ATP2B2: variants seen among roughly 807,000 people sequenced by gnomAD.
ATP2B2 encodes the protein plasma membrane calcium-transporting ATPase 2.
ATP2B2 carries 15 observed loss-of-function variants against 120.0 expected under a neutral mutation model. The observed-to-expected ratio is 0.12, with a 90% CI of 0.08 to 0.19. ATP2B2 has a LOEUF of 0.19. ATP2B2 is among the 10% of genes least tolerant of loss of function. The pLI is 1.00. For missense variants in ATP2B2, 1,045 were observed against 1,719.8 expected (o/e 0.61, Z 6.94); for synonymous variants, 694 against 700.3 (o/e 0.99, Z 0.14).
intron 2 of ATP2B2, among the ~76,000 whole-genome samples, chr3:10,605,780 C>T (rs1312183561): frequency 6.6e-6 from 1 of 152,088 alleles, no homozygotes; most frequent in African/African-American, 2.4e-5. Context: ...TCCTGAGTAG[C>T]TGGGACTACA....
chr3:10,519,621 G>A (rs997845288), intron 3 of ATP2B2, among the ~76,000 whole-genome samples: 1 of 152,200 alleles, frequency 6.6e-6, no homozygotes, highest in African/African-American at 2.4e-5. Flanking sequence ...TCTCAAAGGA[G>A]GAAAGCTTCC....
At chr3:10,367,889 A>C (rs1356616062) in intron 12 of ATP2B2, among the ~76,000 whole-genome samples, 1 of 152,230 alleles carries the variant, frequency 6.6e-6, no homozygotes, top group Non-Finnish European at 1.5e-5. Flanking sequence ...TGATATGCTC[A>C]CTTTATAGAC....
At chr3:10,662,527 C>A (rs1243853735) in intron 1 of ATP2B2, among the ~76,000 whole-genome samples, 1 of 140,964 alleles carries the variant, frequency 7.1e-6, no homozygotes, top group Non-Finnish European at 1.5e-5. Flanking sequence ...AAATGCAAAT[C>A]AAAACCACAA....
chr3:10,631,848 C>T (rs535765502), intron 1 of ATP2B2, among the ~76,000 whole-genome samples: 9 of 152,354 alleles, frequency 5.9e-5, no homozygotes, highest in African/African-American at 2.2e-4. Context: ...ACATAGCTTG[C>T]TGCTAATTTC....
intron 1 of ATP2B2, among the ~76,000 whole-genome samples, chr3:10,490,904 G>T (rs932649373): frequency 1.3e-5 from 2 of 152,212 alleles, no homozygotes; most frequent in African/African-American, 4.8e-5. Context: ...TCTGTTATTT[G>T]ATTTGGGGGT....
chr3:10,432,781 C>G (rs146882042), intron 2 of ATP2B2, among the ~76,000 whole-genome samples: 185 of 152,282 alleles, frequency 1.2e-3, no homozygotes, highest in African/African-American at 4.4e-3. Flanking sequence ...CAAAGGGACG[C>G]GGCTTTCTAC....
chr3:10,701,736 G>T (rs116469584), intron 1 of ATP2B2, among the ~76,000 whole-genome samples: 1,538 of 151,828 alleles, frequency 0.01, 26 homozygotes, highest in African/African-American at 0.035. Context: ...GACCCTCTCC[G>T]TATGCCCCTG....
intron 1 of ATP2B2, among the ~76,000 whole-genome samples, chr3:10,702,342 G>A (rs1453205564): frequency 1.3e-5 from 2 of 152,280 alleles, no homozygotes; most frequent in South Asian, 2.1e-4. Context: ...AGTGCTTACC[G>A]CGTGTGCCAG....
At chr3:10,417,110 T>G (rs1575167145) in intron 2 of ATP2B2, among the ~76,000 whole-genome samples, 4 of 125,220 alleles carry the variant, frequency 3.2e-5, no homozygotes, top group African/African-American at 7.7e-5. Flanking sequence ...TCCCAGAAGG[T>G]GGGTGGCCGG....
chr3:10,386,374 T>A (rs904995046), intron 7 of ATP2B2, 106 bp downstream of exon 7: 1 of 1,300,048 alleles, frequency 7.7e-7, no homozygotes. Flanking sequence ...CCCACAGGCA[T>A]GTGGCCTCCT....
At chr3:10,649,643 G>A (rs1320817220) in intron 1 of ATP2B2, among the ~76,000 whole-genome samples, 1 of 152,170 alleles carries the variant, frequency 6.6e-6, no homozygotes, top group Non-Finnish European at 1.5e-5. Flanking sequence ...GGATGGATAG[G>A]ATAAATGGAT....
At chr3:10,433,222 T>G (rs2063375313) in intron 2 of ATP2B2, among the ~76,000 whole-genome samples, 1 of 152,184 alleles carries the variant, frequency 6.6e-6, no homozygotes, top group South Asian at 2.1e-4. Context: ...AGTTTGCCTC[T>G]GTAGGAATTT....
chr3:10,448,621 G>A (rs1334297185), intron 2 of ATP2B2, among the ~76,000 whole-genome samples: 4 of 152,134 alleles, frequency 2.6e-5, no homozygotes, highest in African/African-American at 9.7e-5. Flanking sequence ...GCAGTTGCAA[G>A]AAAGCCCCAC....
intron 3 of ATP2B2, among the ~76,000 whole-genome samples, chr3:10,406,905 G>A (rs1430281179): frequency 4.6e-5 from 7 of 152,320 alleles, no homozygotes; most frequent in South Asian, 4.1e-4. Flanking sequence ...ACTGGGTCCC[G>A]AGCCCCTGCT....
intron 5 of ATP2B2, among the ~76,000 whole-genome samples, chr3:10,392,078 T>C (rs1283099945): frequency 6.6e-6 from 1 of 152,068 alleles, no homozygotes; most frequent in African/African-American, 2.4e-5. Context: ...CTGAATCACC[T>C]GAAGTCTCCT....
chr3:10,424,443 A>T (rs1200020243), intron 2 of ATP2B2, among the ~76,000 whole-genome samples: 1 of 152,220 alleles, frequency 6.6e-6, no homozygotes, highest in Non-Finnish European at 1.5e-5. Flanking sequence ...ACTTGGCAAT[A>T]GACAAGAGCT....
intron 1 of ATP2B2, among the ~76,000 whole-genome samples, chr3:10,693,076 T>C (rs888286838): frequency 2.0e-5 from 3 of 152,194 alleles, no homozygotes; most frequent in African/African-American, 4.8e-5. Context: ...TTAAATGAGA[T>C]AATGCAGGAA....
intron 1 of ATP2B2, among the ~76,000 whole-genome samples, chr3:10,457,752 C>A (rs2064324167): frequency 6.6e-6 from 1 of 152,020 alleles, no homozygotes; most frequent in African/African-American, 2.4e-5. Context: ...ACCTCAGAAG[C>A]AAATTTAGTG....
Position 10,329,259 on chromosome 3 carries a change from T to A in ATP2B2, c.3421-134A>T. ...GGAATCCATAGTCGCTGGGTGTTAT[T>A]AGCATTGACAGGATGGGGGAGAGTG... is the stretch of plus-strand genomic sequence containing the variant. On this transcript the variant is annotated intron_variant, in intron 22 of 22. Transcript: ENST00000360273. This position sits in a 1 kb window ranked among gnomAD's most constrained non-coding sequence, Gnocchi z 5.9. The A allele has an allele frequency of 1.1e-6, 1 of 877,574 alleles. No homozygotes were observed. The highest frequency in any genetic ancestry group is 1.9e-6 in the Non-Finnish European group (1 of 535,230). The allele number at this position is 877,574 out of a possible 1,614,324, so 54.4% of individuals were successfully genotyped here.
Sources: allele counts gnomAD v4.1 joint callset (sites outside exome capture counted in the v4.1 genomes callset), GRCh38; gene constraint gnomAD v4.1.1; non-coding constraint Gnocchi (gnomAD v3.1); transcripts MANE v1.5; gene names NCBI Gene and HGNC (gene_info 2026-07-23, HGNC 2026-07-21).